Variants in PLCE1 observed in about 807,000 individuals in gnomAD.
PLCE1 encodes the protein phospholipase C epsilon 1.
PLCE1 carries 119 observed loss-of-function variants against 242.8 expected under a neutral mutation model. The observed-to-expected ratio is 0.49, with a 90% CI of 0.42 to 0.57. The LOEUF (loss-of-function observed/expected upper bound fraction) is 0.57, where lower values mean the gene tolerates loss of function less well. PLCE1 is among the 20% of genes least tolerant of loss of function. PLCE1 has a pLI of 0.00. For synonymous variants in PLCE1, 945 were observed against 1,017.4 expected (o/e 0.93, Z 1.35); for missense variants, 2,441 against 2,788.8 (o/e 0.88, Z 2.81).
chr10:94,046,485 C>T (rs1485523218), intron 2 of PLCE1, among the ~76,000 whole-genome samples: 1 of 152,158 alleles, frequency 6.6e-6, no homozygotes, highest in Non-Finnish European at 1.5e-5. Flanking sequence ...AGGTCCAACC[C>T]TTCATTTTCA....
chr10:94,102,292 A>T (rs1350429419), intron 2 of PLCE1, among the ~76,000 whole-genome samples: 2 of 152,178 alleles, frequency 1.3e-5, no homozygotes, highest in Admixed American at 1.3e-4. Context: ...AATTGCAGAG[A>T]TGAGGAACCA....
Position 94,324,904 on chromosome 10 carries a change from G to A in PLCE1, c.6733G>A (p.Asp2245Asn). The A allele has an allele frequency of 6.2e-7, 1 of 1,614,154 alleles. No homozygotes were observed. The highest frequency in any genetic ancestry group is 8.5e-7 in the Non-Finnish European group (1 of 1,180,020). The change falls in exon 32 of 33, where the codon GAT becomes AAT. Residue 2245 changes from aspartate (D) to asparagine (N), a missense_variant. Coordinates refer to ENST00000371380, the MANE Select transcript of PLCE1 (RefSeq NM_016341.4). ...LKEQVQASRE[D>N]KKKGISFASE... The stretch of plus-strand genomic sequence containing the variant: ...TTTGTTCCCACAGGCATCTCGAGAA[G>A]ATAAAAAGAAAGGCATTTCTTTCGC...
chr10:94,227,520 A>G, intron 5 of PLCE1, 69 bp downstream of exon 5: 2 of 1,409,698 alleles, frequency 1.4e-6, no homozygotes, highest in Non-Finnish European at 2.0e-6. Flanking sequence ...CACTGAATTA[A>G]TTGTCCAGGG....
intron 1 of PLCE1, among the ~76,000 whole-genome samples, chr10:94,015,580 A>G (rs1162974519): frequency 6.6e-6 from 1 of 152,156 alleles, no homozygotes; most frequent in Non-Finnish European, 1.5e-5. Context: ...ACTATTCTGG[A>G]TGTTTTGTGC....
intron 4 of PLCE1, among the ~76,000 whole-genome samples, chr10:94,225,666 T>G (rs1340959094): frequency 6.6e-6 from 1 of 152,142 alleles, no homozygotes. Context: ...CTGTCAACTT[T>G]CACCAGATGA....
At chr10:94,221,690 G>A (rs113226426) in intron 4 of PLCE1, among the ~76,000 whole-genome samples, 230 of 152,180 alleles carry the variant, frequency 1.5e-3, no homozygotes, top group Middle Eastern at 0.014. Flanking sequence ...AGCCAAAATC[G>A]TGCCATTGCA....
At chr10:94,155,832 C>A (rs547719131) in intron 3 of PLCE1, 7 of 152,014 alleles carry the variant, frequency 4.6e-5, no homozygotes, top group African/African-American at 1.7e-4. Context: ...GTTGCCCAGG[C>A]TGGAGTGCAG....
intron 30 of PLCE1, among the ~76,000 whole-genome samples, chr10:94,322,870 C>T (rs1450829026): frequency 2.0e-5 from 3 of 152,140 alleles, no homozygotes; most frequent in Non-Finnish European, 1.5e-5. Flanking sequence ...ATAGGAGGAT[C>T]GCTTGAGCCT....
At chr10:94,004,145 CA>C (rs763037452) in intron 1 of PLCE1, among the ~76,000 whole-genome samples, 2,423 of 132,468 alleles carry the variant, frequency 0.018, 22 homozygotes, top group African/African-American at 0.037. Context: ...GATTCCATCT[CA>C]AAAAAAAAAA....
At chr10:94,020,992 A>G (rs1457737666) in intron 1 of PLCE1, among the ~76,000 whole-genome samples, 2 of 151,766 alleles carry the variant, frequency 1.3e-5, no homozygotes, top group Non-Finnish European at 2.9e-5. Flanking sequence ...ACCATACCCA[A>G]CTAATTTTTT....
intron 30 of PLCE1, among the ~76,000 whole-genome samples, 196 bp downstream of exon 30, chr10:94,322,255 G>A (rs1159911681): frequency 6.6e-6 from 1 of 152,042 alleles, no homozygotes; most frequent in Non-Finnish European, 1.5e-5. Context: ...TTAGGAAGCT[G>A]AGGCAGGAGG....
intron 2 of PLCE1, among the ~76,000 whole-genome samples, chr10:94,101,254 T>G (rs1037415416): frequency 1.3e-5 from 2 of 152,142 alleles, no homozygotes; most frequent in African/African-American, 2.4e-5. Context: ...GGTGTTCTCA[T>G]GAATGAAATG....
rs771457628 is a variant in PLCE1, at chr10:94,031,239, T to C, written c.193T>C (p.Ser65Pro). ...SQLNKLKEEP[S>P]GSNLPKILSI... ...ACTGAACAAACTTAAAGAAGAACCT[T>C]CTGGAAGCAACTTGCCAAAGATTCT... Residue 65 changes from serine (S) to proline (P), a missense_variant, in exon 2 of 33, where the codon TCT becomes CCT. This residue lies in a region of PLCE1 where 393 missense variants were observed against 378.5 expected (regional missense o/e 1.04). Coordinates refer to ENST00000371380, the MANE Select transcript of PLCE1 (RefSeq NM_016341.4). 1.2e-6 allele frequency: 2 copies of C among 1,613,836 alleles called. No homozygotes were observed. The highest frequency in any genetic ancestry group is 1.3e-5 in the African/African-American group (1 of 75,010).
At chr10:94,302,125 A>G (rs556542839) in intron 24 of PLCE1, among the ~76,000 whole-genome samples, 4 of 152,310 alleles carry the variant, frequency 2.6e-5, no homozygotes, top group African/African-American at 9.6e-5. Context: ...TTCTGGGACC[A>G]TGTCCAGGGG....
intron 2 of PLCE1, among the ~76,000 whole-genome samples, chr10:94,091,374 C>T (rs1477211904): frequency 6.6e-6 from 1 of 152,192 alleles, no homozygotes; most frequent in Non-Finnish European, 1.5e-5. Context: ...GTAAACAATG[C>T]TTTAGATCTG....
chr10:94,019,613 T>A (rs2061341838), intron 1 of PLCE1, among the ~76,000 whole-genome samples: 1 of 152,218 alleles, frequency 6.6e-6, no homozygotes, highest in Non-Finnish European at 1.5e-5. Context: ...TGTTTGCCAC[T>A]AGCCACATGT....
chr10:94,244,372 C>G (rs1371928629), intron 7 of PLCE1, among the ~76,000 whole-genome samples: 4 of 152,166 alleles, frequency 2.6e-5, no homozygotes, highest in Non-Finnish European at 5.9e-5. Flanking sequence ...CTGGTGATGT[C>G]TGTGGACCAA....
At chr10:94,181,896 G>A (rs1171974556) in intron 4 of PLCE1, among the ~76,000 whole-genome samples, 1 of 152,162 alleles carries the variant, frequency 6.6e-6, no homozygotes, top group African/African-American at 2.4e-5. Flanking sequence ...CAGTCTGAAT[G>A]ATAGAGTGAG....
chr10:94,327,361 G>A (rs138318806), intron 32 of PLCE1, among the ~76,000 whole-genome samples: 2,772 of 151,982 alleles, frequency 0.018, 29 homozygotes, highest in South Asian at 0.04. Flanking sequence ...GTGGGAGGCC[G>A]AGGTGTGTGG....
Sources: gnomAD v4.1 joint callset for allele counts (sites outside exome capture counted in the v4.1 genomes callset) on GRCh38, gnomAD v4.1.1 for gene constraint, gnomAD v4.1.1 regional missense constraint, MANE v1.5 for transcripts, NCBI Gene and HGNC (gene_info 2026-07-23, HGNC 2026-07-21) for gene names.